Variants in SRPK2 observed in about 807,000 individuals in gnomAD.
SRPK2 encodes the protein SFRS protein kinase 2.
A neutral mutation model predicts 90.8 loss-of-function variants in SRPK2; 21 were observed. The observed-to-expected ratio is 0.23, with a 90% CI of 0.16 to 0.33. SRPK2 has a LOEUF of 0.33. Among genes scored for constraint, SRPK2 ranks in the 10% least tolerant of loss-of-function variants. The pLI, the probability that SRPK2 is intolerant of heterozygous loss-of-function variation, is 1.00. For missense variants in SRPK2, 620 were observed against 869.0 expected (o/e 0.71, Z 3.60); for synonymous variants, 288 against 311.1 (o/e 0.93, Z 0.78).
intron 7 of SRPK2, among the ~76,000 whole-genome samples, chr7:105,149,544 C>T (rs1291402380): frequency 1.3e-5 from 2 of 152,290 alleles, no homozygotes; most frequent in East Asian, 1.9e-4. Flanking sequence ...TGCTGGGCGC[C>T]AGTCCCCTGG....
chr7:105,166,601 T>A (rs186136506), intron 6 of SRPK2, among the ~76,000 whole-genome samples: 3 of 152,232 alleles, frequency 2.0e-5, no homozygotes, highest in Non-Finnish European at 4.4e-5. Context: ...TATGATCTCT[T>A]TCTTATATGT....
intron 2 of SRPK2, among the ~76,000 whole-genome samples, chr7:105,340,681 C>T (rs904721722): frequency 9.9e-5 from 15 of 152,196 alleles, no homozygotes; most frequent in African/African-American, 3.6e-4. Context: ...TGGGCTCGAA[C>T]GATCTTCCTG....
At chr7:105,367,968 G>A (rs1182811994) in intron 2 of SRPK2, among the ~76,000 whole-genome samples, 1 of 152,116 alleles carries the variant, frequency 6.6e-6, no homozygotes, top group Non-Finnish European at 1.5e-5. Context: ...TAGCCAAACT[G>A]TATACGCTTT....
intron 2 of SRPK2, among the ~76,000 whole-genome samples, chr7:105,284,748 AT>A (rs889769782): frequency 6.6e-6 from 1 of 152,186 alleles, no homozygotes; most frequent in Non-Finnish European, 1.5e-5. Context: ...TTCTACAAAA[AT>A]ATCTTTCACT....
At chr7:105,181,675 C>A (rs1290658317) in intron 3 of SRPK2, among the ~76,000 whole-genome samples, 3 of 151,954 alleles carry the variant, frequency 2.0e-5, no homozygotes, top group African/African-American at 7.3e-5. Context: ...AATGAGAACA[C>A]AAAGACACAA....
chr7:105,234,800 GA>G (rs961213738), intron 2 of SRPK2, among the ~76,000 whole-genome samples: 2 of 150,502 alleles, frequency 1.3e-5, no homozygotes, highest in Non-Finnish European at 3.0e-5. Context: ...TATGAAGCAG[GA>G]AAAAAAAAGG....
chr7:105,312,804 T>C (rs74699028), intron 2 of SRPK2, among the ~76,000 whole-genome samples: 4,651 of 152,268 alleles, frequency 0.031, 247 homozygotes, highest in African/African-American at 0.1. Context: ...GATATGGGAA[T>C]ATTTATCTTT....
At chr7:105,289,631 T>G (rs887447722) in intron 2 of SRPK2, among the ~76,000 whole-genome samples, 1 of 152,230 alleles carries the variant, frequency 6.6e-6, no homozygotes, top group African/African-American at 2.4e-5. Flanking sequence ...ATTCACTGGT[T>G]GATATTCTAT....
At chr7:105,341,925 C>A (rs1399218399) in intron 2 of SRPK2, among the ~76,000 whole-genome samples, 2 of 152,058 alleles carry the variant, frequency 1.3e-5, no homozygotes, top group East Asian at 3.9e-4. Flanking sequence ...CGAGATCGTG[C>A]CACTGCACTC....
chr7:105,333,464 C>T (rs1814686360), intron 2 of SRPK2, among the ~76,000 whole-genome samples: 3 of 152,166 alleles, frequency 2.0e-5, no homozygotes, highest in Admixed American at 2.0e-4. Context: ...GGATTATGTT[C>T]AACTGTATAC....
In SRPK2 at chr7:105,290,534, A is replaced by G. The variant is rs188665530; in HGVS notation, c.72-86749T>C. The stretch of plus-strand genomic sequence containing the variant: ...CAAAAACAAAAACCACAATATTAGC[A>G]AAGTGCAACAAAATGAAGTATAGGT... On this transcript the variant is annotated intron_variant, in intron 2 of 15. Transcript: ENST00000393651. Among the ~76,000 whole-genome samples, 455 of 152,184 alleles carry G rather than the reference A, an allele frequency of 3.0e-3. 3 individuals carry two copies. Among genetic ancestry groups the G allele is most frequent in the African/African-American group, 0.01 (423 of 41,514 alleles).
chr7:105,265,891 T>C (rs1395778865), intron 2 of SRPK2, among the ~76,000 whole-genome samples: 3 of 152,274 alleles, frequency 2.0e-5, no homozygotes, highest in Middle Eastern at 3.4e-3. Flanking sequence ...TCAATAGCAT[T>C]CTCTGCTCTT....
intron 4 of SRPK2, among the ~76,000 whole-genome samples, chr7:105,168,810 T>C (rs1043821079): frequency 8.5e-4 from 114 of 134,264 alleles, no homozygotes; most frequent in Non-Finnish European, 2.7e-4. Context: ...TTTCTTACTA[T>C]GGGTCATGGC....
chr7:105,382,701 T>C (rs1821088536), intron 2 of SRPK2, among the ~76,000 whole-genome samples: 2 of 152,036 alleles, frequency 1.3e-5, no homozygotes, highest in South Asian at 4.1e-4. Context: ...ATTCTCAAAG[T>C]GGCAACATTA....
intron 6 of SRPK2, among the ~76,000 whole-genome samples, chr7:105,161,513 G>C (rs1016464431): frequency 6.6e-6 from 1 of 152,118 alleles, no homozygotes; most frequent in South Asian, 2.1e-4. Flanking sequence ...CACTTTCTAG[G>C]TGTAGAGTGC....
In SRPK2 at chr7:105,325,836, A is replaced by G. The variant is rs570617692; in HGVS notation, c.71+62812T>C. ...ACAACTGCACTCCAGCCTAAACAAG[A>G]GAAGACCCTGTCTCTTTGGTGTATG... On this transcript the variant is annotated intron_variant, in intron 2 of 15. Transcript: ENST00000393651. Among the ~76,000 whole-genome samples, 23 of 152,288 alleles carry G rather than the reference A, an allele frequency of 1.5e-4. No individual in the cohort carries two copies. In the East Asian group the frequency reaches 4.4e-3, roughly 29 times the overall value.
At chr7:105,176,919 G>C (rs1357964775) in intron 3 of SRPK2, among the ~76,000 whole-genome samples, 1 of 152,142 alleles carries the variant, frequency 6.6e-6, no homozygotes, top group Non-Finnish European at 1.5e-5. Flanking sequence ...ACAGGCGCAA[G>C]CCATCATGCC....
At chr7:105,231,858 T>G (rs1799460129) in intron 2 of SRPK2, among the ~76,000 whole-genome samples, 1 of 152,218 alleles carries the variant, frequency 6.6e-6, no homozygotes, top group Admixed American at 6.5e-5. Context: ...TTCTGTAGAT[T>G]GTCCATTTAC....
chr7:105,288,418 C>A (rs1337728930), intron 2 of SRPK2, among the ~76,000 whole-genome samples: 1 of 151,938 alleles, frequency 6.6e-6, no homozygotes, highest in Non-Finnish European at 1.5e-5. Context: ...ACACAGTGAA[C>A]CCTATCTCTA....
Sources: gnomAD v4.1 joint callset for allele counts (sites outside exome capture counted in the v4.1 genomes callset) on GRCh38, gnomAD v4.1.1 for gene constraint, MANE v1.5 for transcripts, NCBI Gene and HGNC (gene_info 2026-07-23, HGNC 2026-07-21) for gene names.